SGMS1: variants seen among roughly 807,000 people sequenced by gnomAD.
The protein encoded by SGMS1 is phosphatidylcholine:ceramide cholinephosphotransferase 1.
A neutral mutation model predicts 46.2 loss-of-function variants in SGMS1; 13 were observed. The ratio of observed to expected loss-of-function variants is 0.28; its 90% CI spans 0.18 to 0.45. SGMS1 has a LOEUF of 0.45. Ranked by LOEUF, SGMS1 falls within the 20% of genes least tolerant of loss-of-function variation. The probability of loss-of-function intolerance (pLI) is 1.00; values close to 1 mark genes in which losing one functional copy is unlikely to be tolerated. For missense variants in SGMS1, 324 were observed against 519.9 expected, an observed-to-expected ratio of 0.62 and a Z score of 3.66; for synonymous variants, 203 against 187.8, an observed-to-expected ratio of 1.08 and a Z score of -0.66.
In SGMS1 at chr10:50,523,932, AAC is replaced by A. The variant is rs560699054; in HGVS notation, c.-588-4013_-588-4012del. Among the ~76,000 whole-genome samples, 83 of 152,342 alleles carry A rather than the reference AAC, an allele frequency of 5.4e-4. 1 individual carries two copies. The East Asian group carries it at 0.015, about 27-fold the overall frequency. ...GCGCACACACACACGCAGCATTCCA[AAC>A]ACAGTTTGCAGACTGAAATGTGGGA... On this transcript the variant is annotated intron_variant, in intron 2 of 10. Coordinates refer to ENST00000361781, the MANE Select transcript of SGMS1 (RefSeq NM_147156.4).
Position 50,307,458 on chromosome 10 carries a change from T to A in SGMS1, c.1063-137A>T. The A allele has an allele frequency of 1.5e-6, 1 of 685,700 alleles. No homozygotes were observed. The highest frequency in any genetic ancestry group is 2.4e-6 in the Non-Finnish European group (1 of 413,588). The allele number at this position is 685,700 out of a possible 1,614,324, so 42.5% of individuals were successfully genotyped here. On this transcript the variant is annotated intron_variant, in intron 10 of 10. Transcript: ENST00000361781. This position sits in a 1 kb window ranked among gnomAD's most constrained non-coding sequence, Gnocchi z 4.2. ...CACATATCCCAGCTTCTCTCTCTCA[T>A]CACCATTCTACACTCCACATTCATC...
intron 5 of SGMS1, among the ~76,000 whole-genome samples, chr10:50,455,772 T>C (rs992057845): frequency 6.6e-6 from 1 of 152,228 alleles, no homozygotes; most frequent in South Asian, 2.1e-4. Flanking sequence ...ATCACTCTGA[T>C]GGAAAGAGCA....
intron 5 of SGMS1, among the ~76,000 whole-genome samples, chr10:50,450,591 G>A (rs1837094021): frequency 6.6e-6 from 1 of 152,054 alleles, no homozygotes; most frequent in Non-Finnish European, 1.5e-5. Context: ...TACCTAATTT[G>A]TGTTTCAATT....
rs1012200312 is a variant in SGMS1 at position 50,447,908 on chromosome 10, C to A, written c.-313+12765G>T. On this transcript the variant is annotated intron_variant, in intron 5 of 10. Transcript: ENST00000361781. ...AGCAAAGGAGACTAGGCAACTTGTC[C>A]TATACCACTTCCTCACACCCTTCAC... Among the ~76,000 whole-genome samples, 20 of 152,278 alleles carry A rather than the reference C, an allele frequency of 1.3e-4. No individual in the cohort carries two copies. In the East Asian group the frequency reaches 3.9e-3, roughly 29 times the overall value.
At chr10:50,614,738 T>C (rs1202850598) in intron 1 of SGMS1, among the ~76,000 whole-genome samples, 1 of 152,246 alleles carries the variant, frequency 6.6e-6, no homozygotes. Context: ...ACCTGTGTAT[T>C]ACAACGCTTT....
At chr10:50,366,632 T>C (rs1231431494) in intron 6 of SGMS1, among the ~76,000 whole-genome samples, 2 of 152,058 alleles carry the variant, frequency 1.3e-5, no homozygotes, top group Admixed American at 6.5e-5. Context: ...TAAAAAAGGA[T>C]GAGTTCATGT....
chr10:50,445,130 C>A (rs1242520506), intron 5 of SGMS1, among the ~76,000 whole-genome samples: 1 of 152,082 alleles, frequency 6.6e-6, no homozygotes, highest in Non-Finnish European at 1.5e-5. Flanking sequence ...CATTAGTCAC[C>A]AAGGAAACAA....
At chr10:50,564,814 T>C (rs555343103) in intron 2 of SGMS1, among the ~76,000 whole-genome samples, 1 of 152,120 alleles carries the variant, frequency 6.6e-6, no homozygotes, top group East Asian at 1.9e-4. Context: ...TTTATTATTA[T>C]ACTTTAAGTT....
At chr10:50,605,355 C>T (rs1838685415) in intron 1 of SGMS1, among the ~76,000 whole-genome samples, 1 of 152,224 alleles carries the variant, frequency 6.6e-6, no homozygotes, top group African/African-American at 2.4e-5. Context: ...GACAGGCTCA[C>T]AGAGAAGCAT....
chr10:50,400,428 T>TGGC (rs1848917822), intron 6 of SGMS1, among the ~76,000 whole-genome samples: 2 of 37,814 alleles, frequency 5.3e-5, no homozygotes, highest in Non-Finnish European at 1.1e-4. Flanking sequence ...TATATATATA[T>TGGC]ATATATATAT....
At position 50,485,960 on chromosome 10, in the gene SGMS1, CA is replaced by C. The variant is rs1264865251; in HGVS notation, c.-497-19029del. Among the ~76,000 whole-genome samples, 5 of 152,134 alleles carry C rather than the reference CA, an allele frequency of 3.3e-5. No homozygotes were observed. The East Asian group carries it at 9.7e-4, about 29-fold the overall frequency. On this transcript the variant is annotated intron_variant, in intron 3 of 10. Transcript: ENST00000361781. The stretch of plus-strand genomic sequence containing the variant: ...GCATCACACTGCCCAACTTCAAACT[CA>C]AAAACAGGCACATAGACCAATGGAA...
intron 7 of SGMS1, among the ~76,000 whole-genome samples, chr10:50,337,139 G>A (rs1242576656): frequency 6.6e-6 from 1 of 152,104 alleles, no homozygotes; most frequent in African/African-American, 2.4e-5. Flanking sequence ...AGGGAATTTT[G>A]TCCTCATGAG....
At chr10:50,414,819 A>C (rs1849146931) in intron 6 of SGMS1, among the ~76,000 whole-genome samples, 1 of 152,160 alleles carries the variant, frequency 6.6e-6, no homozygotes, top group South Asian at 2.1e-4. Flanking sequence ...GCTGTACCAT[A>C]TGCCTTTCTC....
chr10:50,442,386 T>C (rs1300738872), intron 5 of SGMS1, among the ~76,000 whole-genome samples: 1 of 152,002 alleles, frequency 6.6e-6, no homozygotes, highest in African/African-American at 2.4e-5. Context: ...CACCTCTATG[T>C]GTCCACGTGT....
chr10:50,577,881 A>G (rs1030304034), intron 2 of SGMS1, among the ~76,000 whole-genome samples: 2 of 152,202 alleles, frequency 1.3e-5, no homozygotes, highest in African/African-American at 4.8e-5. Context: ...CAGAGCTGCG[A>G]AGCTTGTGAA....
chr10:50,378,506 A>C (rs1451601074), intron 6 of SGMS1, among the ~76,000 whole-genome samples: 2 of 152,328 alleles, frequency 1.3e-5, no homozygotes, highest in African/African-American at 4.8e-5. Flanking sequence ...TCCTAGGCAA[A>C]GTTTCTTCAT....
intron 1 of SGMS1, among the ~76,000 whole-genome samples, chr10:50,607,310 T>A (rs1368499985): frequency 6.6e-6 from 1 of 152,124 alleles, no homozygotes; most frequent in Non-Finnish European, 1.5e-5. Flanking sequence ...TATAACAGCA[T>A]TGACATGGCA....
rs1393235932 is a variant in SGMS1 at position 50,623,572 on chromosome 10, G to A, written c.-684+135C>T. 2.1e-5 allele frequency: 21 copies of A among 984,868 alleles called. No individual in the cohort carries two copies. The African/African-American group carries it at 3.1e-4, about 15-fold the overall frequency. 61.0% of individuals were successfully genotyped at this position (984,868 alleles called of 1,614,324 possible). A position where few individuals can be genotyped will look rare whatever the true frequency, so the allele number is the denominator to read the frequency against. ...GCCAGGTACGCGCGCGGCACCGCGC[G>A]GGCTGCGCTCACGCCCCCTCGCCCC... is the stretch of plus-strand genomic sequence containing the variant. On this transcript the variant is annotated intron_variant, in intron 1 of 10. Coordinates refer to ENST00000361781, the MANE Select transcript of SGMS1 (RefSeq NM_147156.4).
At chr10:50,619,073 C>CA (rs1838823856) in intron 1 of SGMS1, among the ~76,000 whole-genome samples, 4 of 151,932 alleles carry the variant, frequency 2.6e-5, no homozygotes, top group African/African-American at 9.7e-5. Flanking sequence ...GCAGAGGCTG[C>CA]AGTGAGCCAA....
Sources: gnomAD v4.1 joint callset for allele counts (sites outside exome capture counted in the v4.1 genomes callset) on GRCh38, gnomAD v4.1.1 for gene constraint, Gnocchi (gnomAD v3.1) non-coding constraint, MANE v1.5 for transcripts, NCBI Gene and HGNC (gene_info 2026-07-23, HGNC 2026-07-21) for gene names.